The following KRT73 variants were observed in gnomAD, a reference collection of about 807,000 sequenced individuals.
KRT73 encodes keratin 73, also known as keratin, type II cytoskeletal 73.
In KRT73, 44 loss-of-function variants were observed where a neutral mutation model predicts 47.2. The observed-to-expected ratio is 0.93, with a 90% confidence interval of 0.73 to 1.20. KRT73 has a LOEUF of 1.20. KRT73 is among the 50% of genes most tolerant of loss of function. The pLI is 0.00. For missense variants in KRT73, 713 were observed against 704.5 expected (o/e 1.01, Z -0.14); for synonymous variants, 285 against 291.3 (o/e 0.98, Z 0.22).
At chr12:52,613,985 G>T in intron 4 of KRT73, 133 bp from the exon 5 acceptor site, 1 of 1,372,976 alleles carries the variant, frequency 7.3e-7, no homozygotes, top group Non-Finnish European at 9.9e-7. Context: ...AAGCTTGTAA[G>T]AACAGAGCTC....
At chr12:52,619,216 C>T (rs901427820), upstream of KRT73, among the ~76,000 whole-genome samples, 1 of 152,240 alleles carries the variant, frequency 6.6e-6, no homozygotes, top group Non-Finnish European at 1.5e-5. Context: ...CTTTACCATC[C>T]CACTACCCTG....
chr12:52,611,584 T>C (rs1427408448), intron 5 of KRT73, among the ~76,000 whole-genome samples: 1 of 152,166 alleles, frequency 6.6e-6, no homozygotes, highest in Non-Finnish European at 1.5e-5. Context: ...TATGGCAACT[T>C]TATAACACAC....
At position 52,618,043 on chromosome 12, in the gene KRT73, G is replaced by A. The variant is rs1940844633; in HGVS notation, c.447+35C>T. 2.5e-6 allele frequency: 4 copies of A among 1,601,806 alleles called. No individual in the cohort carries two copies. The South Asian group carries it at 4.5e-5, about 18-fold the overall frequency. On this transcript the variant is annotated intron_variant, in intron 1 of 8. Coordinates refer to ENST00000305748, the MANE Select transcript of KRT73 (RefSeq NM_175068.3). ...GGCTCCCTCCTGAGTCCTTAAAAGG[G>A]GAGCCCAAGATCAGCTTTCTCCAGA...
chr12:52,628,057 G>A, the KRT73 span, among the ~76,000 whole-genome samples: 46 of 145,440 alleles, frequency 3.2e-4, no homozygotes, highest in Non-Finnish European at 5.1e-4. Context: ...GAGAGGTGTG[G>A]GAGAGAGGGT....
At chr12:52,612,183 C>A (rs927336606) in intron 5 of KRT73, among the ~76,000 whole-genome samples, 1 of 152,206 alleles carries the variant, frequency 6.6e-6, no homozygotes, top group Non-Finnish European at 1.5e-5. Flanking sequence ...CCACAGGCAG[C>A]TTTCCAGGGC....
intron 7 of KRT73, 58 bp downstream of exon 7, chr12:52,610,556 CT>C: frequency 7.7e-7 from 1 of 1,301,594 alleles, no homozygotes; most frequent in Non-Finnish European, 1.1e-6. Flanking sequence ...CCCAACCACA[CT>C]CTGGGAAACT....
At chr12:52,614,411 T>C in intron 4 of KRT73, 168 bp downstream of exon 4, 1 of 562,950 alleles carries the variant, frequency 1.8e-6, no homozygotes, top group Non-Finnish European at 3.1e-6. Flanking sequence ...CAGGGATGGA[T>C]GGGGCACCAG....
At chr12:52,622,514 G>A (rs573384426), upstream of KRT73, among the ~76,000 whole-genome samples, 25 of 152,300 alleles carry the variant, frequency 1.6e-4, no homozygotes, top group African/African-American at 5.3e-4. Flanking sequence ...AAGGAGACAC[G>A]GAACTGGAGG....
chr12:52,628,324 T>C, the KRT73 span, among the ~76,000 whole-genome samples: 1 of 152,128 alleles, frequency 6.6e-6, no homozygotes, highest in Non-Finnish European at 1.5e-5. Flanking sequence ...ATAATCCACC[T>C]GGCTTTCTCA....
In KRT73 at chr12:52,618,092, A is replaced by G; in HGVS notation, c.433T>C (p.Ser145Pro). The G allele has an allele frequency of 1.2e-6, 2 of 1,613,632 alleles. No homozygotes were observed. Among genetic ancestry groups the G allele is most frequent in the Non-Finnish European group, 1.7e-6 (2 of 1,179,866 alleles). ...QIKVLNNKFA[S>P]FIDKVRFLEQ... Reference sequence around the variant, plus strand: ...GAAAGACCCACCTTGTCAATGAAGGAGGCGAACTTGTTGTTCAGCACCTTG... The same window carrying G: ...GAAAGACCCACCTTGTCAATGAAGGGGGCGAACTTGTTGTTCAGCACCTTG... Residue 145 changes from serine to proline, a missense_variant, in exon 1 of 9, where the codon TCC becomes CCC. Ser to Pro is a moderately conservative substitution (Grantham distance 74). Coordinates refer to ENST00000305748, the MANE Select transcript of KRT73 (RefSeq NM_175068.3).
At chr12:52,610,062 C>CTGTTTGTTTGTTTGTT (rs61285190) in intron 7 of KRT73, 102 of 158,650 alleles carry the variant, frequency 6.4e-4, no homozygotes, top group African/African-American at 2.0e-3. Context: ...TGTGTTTTGT[C>CTGTTTGTTTGTTTGTT]TGTTTGTTTG....
intron 3 of KRT73, 81 bp downstream of exon 3, chr12:52,615,198 G>A (rs1457214336): frequency 1.4e-5 from 17 of 1,226,530 alleles, no homozygotes; most frequent in Non-Finnish European, 1.6e-5. Context: ...TTCTGCGGGG[G>A]GCTCAGACCT....
At chr12:52,623,344 A>G (rs1940929279), upstream of KRT73, among the ~76,000 whole-genome samples, 1 of 152,254 alleles carries the variant, frequency 6.6e-6, no homozygotes, top group Non-Finnish European at 1.5e-5. Flanking sequence ...TGCTGAAAGC[A>G]AAGAACTGTT....
At chr12:52,609,695 C>T (rs1940654222) in intron 7 of KRT73, among the ~76,000 whole-genome samples, 1 of 152,210 alleles carries the variant, frequency 6.6e-6, no homozygotes, top group South Asian at 2.1e-4. Context: ...TAAAATGGTG[C>T]TTGGTTAGAA....
intron 7 of KRT73, 74 bp from the exon 8 acceptor site, chr12:52,609,355 G>A: frequency 7.7e-7 from 1 of 1,302,010 alleles, no homozygotes; most frequent in South Asian, 1.2e-5. Context: ...CTAAACACAG[G>A]CTGGGGATCC....
At chr12:52,616,541 A>G (rs1449175966) in intron 1 of KRT73, among the ~76,000 whole-genome samples, 161 bp from the exon 2 acceptor site, 1 of 152,164 alleles carries the variant, frequency 6.6e-6, no homozygotes, top group Non-Finnish European at 1.5e-5. Flanking sequence ...CTCCTTACCT[A>G]GGGTCCTTTA....
chr12:52,623,032 G>A (rs1845817735), upstream of KRT73, among the ~76,000 whole-genome samples: 1 of 152,102 alleles, frequency 6.6e-6, no homozygotes. Flanking sequence ...CTGGGGTTCA[G>A]AAGGAAAGGA....
At position 52,608,432 on chromosome 12, in the gene KRT73, C is replaced by T. The variant is rs750048198; in HGVS notation, c.1387G>A (p.Ala463Thr). 6.2e-6 allele frequency: 10 copies of T among 1,610,554 alleles called. No homozygotes were observed. Among genetic ancestry groups the T allele is most frequent in the Middle Eastern group, 2.1e-4 (1 of 4,680 alleles). ...VSISVINSSM[A>T]GMAGTGAGFG... ...CCAGCCCCTGTGCCTGCCATCCCGG[C>T]CATGGAGCTGTTGATGACCGCTGCA... is the stretch of plus-strand genomic sequence containing the variant. Residue 463 changes from alanine (A) to threonine (T), a missense_variant, in exon 9 of 9, where the codon GCC (alanine) becomes ACC (threonine). Physicochemically the swap from Ala to Thr is moderately conservative, Grantham distance 58 (BLOSUM62 0). Coordinates refer to ENST00000305748, the MANE Select transcript of KRT73 (RefSeq NM_175068.3).
chr12:52,627,202 T>C, the KRT73 span, among the ~76,000 whole-genome samples: 1 of 152,174 alleles, frequency 6.6e-6, no homozygotes, highest in South Asian at 2.1e-4. Context: ...GTCTCCCTTA[T>C]CCTCCTAATC....
Sources: allele counts gnomAD v4.1 joint callset (sites outside exome capture counted in the v4.1 genomes callset), GRCh38; gene constraint gnomAD v4.1.1; transcripts MANE v1.5; gene names NCBI Gene and HGNC (gene_info 2026-07-23, HGNC 2026-07-21).